Variants in CPO observed in about 807,000 individuals in gnomAD.
CPO encodes the protein carboxypeptidase O.
Under a neutral mutation model 41.2 loss-of-function variants are expected in CPO, and 43 were observed. That is an observed-to-expected ratio of 1.04 (90% CI 0.82 to 1.35). The LOEUF (loss-of-function observed/expected upper bound fraction) is 1.35. Ranked by LOEUF, CPO falls within the 40% of genes most tolerant of loss-of-function variation. The pLI is 0.00. For synonymous variants in CPO, 178 were observed against 162.7 expected (o/e 1.09, Z -0.72); for missense variants, 408 against 451.7 (o/e 0.90, Z 0.88).
intron 1 of CPO, among the ~76,000 whole-genome samples, chr2:206,942,544 T>C (rs998903761): frequency 1.3e-5 from 2 of 152,162 alleles, no homozygotes; most frequent in Non-Finnish European, 2.9e-5. Context: ...TTTTTGCCTC[T>C]TTATACATTC....
intron 1 of CPO, among the ~76,000 whole-genome samples, chr2:206,940,975 G>A (rs1385667544): frequency 6.6e-6 from 1 of 151,842 alleles, no homozygotes; most frequent in Non-Finnish European, 1.5e-5. Context: ...TGTACATAGG[G>A]CATTTATTTT....
At chr2:206,943,776 AGATG>A (rs1369241535) in intron 1 of CPO, among the ~76,000 whole-genome samples, 4 of 110,870 alleles carry the variant, frequency 3.6e-5, no homozygotes, top group Non-Finnish European at 6.3e-5. Context: ...ATAGATAGAT[AGATG>A]ATAAGCAGAT....
At position 206,962,627 on chromosome 2, in the gene CPO, C is replaced by T; in HGVS notation, c.777+13C>T. 6.2e-7 allele frequency: 1 copy of T among 1,603,662 alleles called. No individual in the cohort carries two copies. The highest frequency in any genetic ancestry group is 8.5e-7 in the Non-Finnish European group (1 of 1,171,078). ...CCACCCAGAAATGGTGAGTCCATAG[C>T]ACCAAGGCCTCCAGAAAAACCTCAG... On this transcript the variant is annotated intron_variant, in intron 7 of 8. Coordinates refer to ENST00000272852, the MANE Select transcript of CPO (RefSeq NM_173077.3).
At position 206,939,653 on chromosome 2, in the gene CPO, G is replaced by C. The variant is rs753097002; in HGVS notation, c.54G>C (p.Gly18=). ...LYLLGMLVPG[G]LGYDRSLAQH... ...TTTTGGGGATGCTGGTTCCTGGAGG[G>C]CTGGGATATGATAGGTGAGTGTAAA... The change falls in exon 1 of 9, where the codon GGG becomes GGC. Residue 18 remains glycine, a synonymous_variant. Transcript: ENST00000272852. 3 of 1,610,734 alleles carry C rather than the reference G, an allele frequency of 1.9e-6. No individual in the cohort carries two copies. The African/African-American group carries it at 4.0e-5, about 22-fold the overall frequency.
intron 2 of CPO, among the ~76,000 whole-genome samples, chr2:206,954,557 T>A (rs1559071589): frequency 6.6e-6 from 1 of 152,192 alleles, no homozygotes; most frequent in Non-Finnish European, 1.5e-5. Flanking sequence ...CATTTTCCTG[T>A]CTTCTACTGG....
At chr2:206,952,650 A>T (rs1350492532) in intron 2 of CPO, among the ~76,000 whole-genome samples, 2 of 152,202 alleles carry the variant, frequency 1.3e-5, no homozygotes, top group Non-Finnish European at 2.9e-5. Context: ...AGGTCTACTC[A>T]ATTGAATCAA....
At chr2:206,943,696 A>G (rs1447638309) in intron 1 of CPO, among the ~76,000 whole-genome samples, 2 of 126,182 alleles carry the variant, frequency 1.6e-5, no homozygotes, top group Non-Finnish European at 3.5e-5. Context: ...AGATAGATAG[A>G]TAGATAGATA....
intron 5 of CPO, among the ~76,000 whole-genome samples, 154 bp downstream of exon 5, chr2:206,959,895 T>A (rs1693447480): frequency 6.6e-6 from 1 of 152,214 alleles, no homozygotes; most frequent in Non-Finnish European, 1.5e-5. Flanking sequence ...TTAACATTTT[T>A]AATCAAACCA....
chr2:206,943,710 A>G (rs765360454), intron 1 of CPO, among the ~76,000 whole-genome samples: 2,036 of 75,712 alleles, frequency 0.027, 27 homozygotes, highest in African/African-American at 0.033. Flanking sequence ...ATAGATAGAT[A>G]GATAGATGAT....
At chr2:206,947,331 GA>G (rs1352161805) in intron 1 of CPO, among the ~76,000 whole-genome samples, 5 of 152,140 alleles carry the variant, frequency 3.3e-5, no homozygotes, top group African/African-American at 1.2e-4. Flanking sequence ...AATAGTGCTG[GA>G]ACAACTAGAC....
At chr2:206,964,481 A>T (rs1693536542) in intron 7 of CPO, among the ~76,000 whole-genome samples, 1 of 152,210 alleles carries the variant, frequency 6.6e-6, no homozygotes. Flanking sequence ...CTCTATAAAT[A>T]GGAAGTGGTG....
At chr2:206,953,744 G>C (rs189155455) in intron 2 of CPO, among the ~76,000 whole-genome samples, 3 of 152,328 alleles carry the variant, frequency 2.0e-5, no homozygotes, top group African/African-American at 7.2e-5. Flanking sequence ...TTTCTGAACT[G>C]CCTTAGCAGT....
At chr2:206,940,103 A>T (rs543049778) in intron 1 of CPO, among the ~76,000 whole-genome samples, 42 of 152,122 alleles carry the variant, frequency 2.8e-4, no homozygotes, top group Non-Finnish European at 4.9e-4. Context: ...TGTATGCAGC[A>T]CTATTTCTGA....
chr2:206,951,958 G>A (rs1344102709), intron 2 of CPO, among the ~76,000 whole-genome samples: 2 of 152,172 alleles, frequency 1.3e-5, no homozygotes, highest in Non-Finnish European at 2.9e-5. Flanking sequence ...CATGTGGTAA[G>A]CTGTTATTCT....
rs372523616 is a variant in CPO at position 206,966,317 on chromosome 2, G to A, written c.778-1946G>A. Among the ~76,000 whole-genome samples, 335 of 151,836 alleles carry A rather than the reference G, an allele frequency of 2.2e-3. 1 individual carries two copies. The highest frequency in any genetic ancestry group is 7.9e-3 in the African/African-American group (325 of 41,396). ...TGCATATATCCCAATGAAAGGTAAG[G>A]CCCCACATGGACCAGTTAGCATGGA... On this transcript the variant is annotated intron_variant, in intron 7 of 8. Coordinates refer to ENST00000272852, the MANE Select transcript of CPO (RefSeq NM_173077.3).
In CPO at chr2:206,969,203, G is replaced by T; in HGVS notation, c.892G>T (p.Ala298Ser). ...CTCATCAGGGTCTTCAAGAGATTGG[G>T]CCCGAGACATTGGGATTCCCTTCTC... The part of the protein sequence containing the change: ...YASSGSSRDW[A>S]RDIGIPFSYT... The change falls in exon 9 of 9, where the codon GCC becomes TCC. Residue 298 changes from alanine to serine, a missense_variant. Coordinates refer to ENST00000272852, the MANE Select transcript of CPO (RefSeq NM_173077.3). 6.2e-7 allele frequency: 1 copy of T among 1,614,082 alleles called. No individual in the cohort carries two copies. The highest frequency in any genetic ancestry group is 8.5e-7 in the Non-Finnish European group (1 of 1,179,958).
At position 206,955,523 on chromosome 2, in the gene CPO, C is replaced by A; in HGVS notation, c.226C>A (p.Leu76Ile). 1 of 1,610,006 alleles carries A rather than the reference C, an allele frequency of 6.2e-7. No homozygotes were observed. The highest frequency in any genetic ancestry group is 1.1e-5 in the South Asian group (1 of 91,008). ...CAAGGAAGTGGTGACACAGCATTTC[C>A]TAGGAGTGACCTATGAGACCCACCC... ...KYKEVVTQHF[L>I]GVTYETHPMY... is the part of the protein sequence containing the mutation. Residue 76 changes from leucine to isoleucine, a missense_variant, in exon 3 of 9, where the codon CTA becomes ATA. By Grantham distance (5) the Leu-to-Ile change is conservative (BLOSUM62 2). Transcript: ENST00000272852.
At chr2:206,940,033 G>A (rs1195093982) in intron 1 of CPO, among the ~76,000 whole-genome samples, 1 of 151,984 alleles carries the variant, frequency 6.6e-6, no homozygotes, top group African/African-American at 2.4e-5. Context: ...ATGTTAAAAT[G>A]ACCAAATAAT....
chr2:206,949,067 C>T (rs1188883610), intron 1 of CPO, among the ~76,000 whole-genome samples: 1 of 117,588 alleles, frequency 8.5e-6, no homozygotes, highest in East Asian at 2.3e-4. Context: ...AAAAGATAAA[C>T]CATTGCAAAA....
Sources: allele counts gnomAD v4.1 joint callset (sites outside exome capture counted in the v4.1 genomes callset), GRCh38; gene constraint gnomAD v4.1.1; transcripts MANE v1.5; gene names NCBI Gene and HGNC (gene_info 2026-07-23, HGNC 2026-07-21).